The following KISS1R variants were observed in gnomAD, a reference collection of about 807,000 sequenced individuals.
The protein encoded by KISS1R is KISS1 receptor.
KISS1R carries 19 observed loss-of-function variants against 22.0 expected under a neutral mutation model. That is an observed-to-expected ratio of 0.86 (90% CI 0.60 to 1.26). The LOEUF is 1.26. KISS1R is among the 50% of genes most tolerant of loss of function. KISS1R has a pLI of 0.00. For missense variants in KISS1R, 653 were observed against 581.9 expected, an observed-to-expected ratio of 1.12 and a Z score of -1.26; for synonymous variants, 302 against 283.9, an observed-to-expected ratio of 1.06 and a Z score of -0.64.
Position 920,682 on chromosome 19 carries a change from G to T in KISS1R, c.1131G>T (p.Lys377Asn). 1.5e-6 allele frequency: 2 copies of T among 1,322,710 alleles called. No individual in the cohort carries two copies. Among genetic ancestry groups the T allele is most frequent in the Non-Finnish European group, 9.6e-7 (1 of 1,038,138 alleles). 81.9% of individuals were successfully genotyped at this position (1,322,710 alleles called of 1,614,324 possible). A position where few individuals can be genotyped will look rare whatever the true frequency, so the allele number is the denominator to read the frequency against. ...ACCCGGCCCCCGCCAGGGCGCAGAA[G>T]CCAGGGAGCAGTGGGCTGGCCGCGC... ...GSHPAPARAQ[K>N]PGSSGLAARG... The change falls in exon 5 of 5, where the codon AAG (lysine) becomes AAT (asparagine). Residue 377 changes from lysine (K) to asparagine (N), a missense_variant. By Grantham distance (94) the Lys-to-Asn change is moderately conservative. Transcript: ENST00000234371.
rs762888590 is a variant in KISS1R, at chr19:920,419, C to G, written c.868C>G (p.Pro290Ala). ...QLFLVLQALGPAGSWHPRSYA... is the reference protein window; with the variant it reads ...QLFLVLQALGAAGSWHPRSYA... The stretch of plus-strand genomic sequence containing the variant: ...GTTCCTGGTGCTGCAGGCGCTGGGC[C>G]CCGCGGGCTCCTGGCACCCACGCAG... Residue 290 changes from proline (P) to alanine (A), a missense_variant, in exon 5 of 5, where the codon CCC becomes GCC. Physicochemically the swap from Pro to Ala is conservative, Grantham distance 27. Coordinates refer to ENST00000234371, the MANE Select transcript of KISS1R (RefSeq NM_032551.5). The G allele has an allele frequency of 1.2e-6, 2 of 1,607,714 alleles. No individual in the cohort carries two copies. Among genetic ancestry groups the G allele is most frequent in the East Asian group, 2.2e-5 (1 of 44,644 alleles).
chr19:918,428 A>T, intron 1 of KISS1R, 116 bp from the exon 2 acceptor site: 13 of 1,220,128 alleles, frequency 1.1e-5, no homozygotes, highest in Non-Finnish European at 1.5e-5. Context: ...GGCCTCCCTG[A>T]GCCATCCTGC....
In KISS1R at chr19:920,021, T is replaced by C. The variant is rs753980643; in HGVS notation, c.653T>C (p.Leu218Pro). 6.5e-7 allele frequency: 1 copy of C among 1,542,854 alleles called. No homozygotes were observed. Among genetic ancestry groups the C allele is most frequent in the South Asian group, 1.2e-5 (1 of 84,210 alleles). ...NLLALYLLPLLATCACYAAML... is the reference protein window; with the variant it reads ...NLLALYLLPLPATCACYAAML... ...CTGGCGCTGTACCTGCTGCCGCTGC[T>C]CGCCACCTGCGCCTGCTATGCGGCC... The change falls in exon 4 of 5, where the codon CTC (leucine) becomes CCC (proline). Residue 218 changes from leucine to proline, a missense_variant. Coordinates refer to ENST00000234371, the MANE Select transcript of KISS1R (RefSeq NM_032551.5).
Position 919,934 on chromosome 19 carries a change from C to T in KISS1R, c.566C>T (p.Ala189Val), listed in dbSNP as rs1217719689. The change falls in exon 4 of 5, where the codon GCC becomes GTC. Residue 189 changes from alanine to valine, a missense_variant. Physicochemically the swap from Ala to Val is moderately conservative, Grantham distance 64. Transcript: ENST00000234371. ...CACCGCCTGTCACCCGGGCCGCGCGCCTACTGCAGTGAGGCCTTCCCCAGC... is the reference window on the plus strand; with the variant it reads ...CACCGCCTGTCACCCGGGCCGCGCGTCTACTGCAGTGAGGCCTTCCCCAGC... ...ALHRLSPGPR[A>V]YCSEAFPSRA... 1 of 1,565,338 alleles carries T rather than the reference C, an allele frequency of 6.4e-7. No individual in the cohort carries two copies. Among genetic ancestry groups the T allele is most frequent in the Admixed American group, 1.8e-5 (1 of 55,756 alleles).
chr19:917,532 C>A lies in KISS1R; in HGVS notation c.30C>A (p.Asn10Lys). Residue 10 changes from asparagine to lysine, a missense_variant, in exon 1 of 5, where the codon AAC (asparagine) becomes AAA (lysine). Coordinates refer to ENST00000234371, the MANE Select transcript of KISS1R (RefSeq NM_032551.5). ...ACACCGTGGCTACGTCCGGACCCAACGCGTCCTGGGGGGCACCGGCCAACG... is the reference window on the plus strand; with the variant it reads ...ACACCGTGGCTACGTCCGGACCCAAAGCGTCCTGGGGGGCACCGGCCAACG... MHTVATSGP[N>K]ASWGAPANAS... 7 of 1,507,224 alleles carry A rather than the reference C, an allele frequency of 4.6e-6. No homozygotes were observed. Among genetic ancestry groups the A allele is most frequent in the South Asian group, 1.3e-5 (1 of 79,976 alleles). 93.4% of individuals were successfully genotyped at this position (1,507,224 alleles called of 1,614,324 possible).
In KISS1R at chr19:918,664, A is replaced by G; in HGVS notation, c.365A>G (p.Gln122Arg). The change falls in exon 2 of 5, where the codon CAG becomes CGG. Residue 122 changes from glutamine to arginine, a missense_variant. Gln to Arg is a conservative substitution (Grantham distance 43). Coordinates refer to ENST00000234371, the MANE Select transcript of KISS1R (RefSeq NM_032551.5). ...ATGTGCAAGTTCGTCAACTACATCC[A>G]GCAGGTGCGCTCCGGAGCAGGAGGG... ...DFMCKFVNYI[Q>R]QVSVQATCAT... is the part of the protein sequence containing the mutation. The G allele has an allele frequency of 6.5e-7, 1 of 1,548,876 alleles. No individual in the cohort carries two copies. The highest frequency in any genetic ancestry group is 8.7e-7 in the Non-Finnish European group (1 of 1,145,918).
rs545635250 is a variant in KISS1R, at chr19:919,560, C to T, written c.440C>T (p.Pro147Leu). The T allele has an allele frequency of 1.3e-5, 21 of 1,559,050 alleles. No homozygotes were observed. The East Asian group carries it at 2.4e-4, about 18-fold the overall frequency. The stretch of plus-strand genomic sequence containing the variant: ...GACCGCTGGTACGTGACGGTGTTCC[C>T]GTTGCGCGCCCTGCACCGCCGCACG... ...SVDRWYVTVF[P>L]LRALHRRTPR... is the part of the protein sequence containing the mutation. Residue 147 changes from proline to leucine, a missense_variant, in exon 3 of 5, where the codon CCG (proline) becomes CTG (leucine). Pro to Leu is a moderately conservative substitution (Grantham distance 98, BLOSUM62 -3). Coordinates refer to ENST00000234371, the MANE Select transcript of KISS1R (RefSeq NM_032551.5).
In KISS1R at chr19:919,508, T is replaced by G. The variant is rs1048171903; in HGVS notation, c.388T>G (p.Cys130Gly). ...CCCGCAGGTCTCGGTGCAGGCCACGTGTGCCACTCTGACCGCCATGAGTGT... is the reference window on the plus strand; with the variant it reads ...CCCGCAGGTCTCGGTGCAGGCCACGGGTGCCACTCTGACCGCCATGAGTGT... Reference protein sequence around the residue: ...YIQQVSVQATCATLTAMSVDR... With the variant: ...YIQQVSVQATGATLTAMSVDR... The change falls in exon 3 of 5, where the codon TGT (cysteine) becomes GGT (glycine). Residue 130 changes from cysteine (C) to glycine (G), a missense_variant. Coordinates refer to ENST00000234371, the MANE Select transcript of KISS1R (RefSeq NM_032551.5). 6 of 1,555,706 alleles carry G rather than the reference T, an allele frequency of 3.9e-6. No homozygotes were observed. The African/African-American group carries it at 8.1e-5, about 21-fold the overall frequency.
In KISS1R at chr19:920,890, T is replaced by G. The variant is rs2037117021; in HGVS notation, c.*142T>G. On this transcript the variant is annotated 3_prime_UTR_variant, in exon 5 of 5. Coordinates refer to ENST00000234371, the MANE Select transcript of KISS1R (RefSeq NM_032551.5). ...GGTCTCTTGTGACGTTCGGTGCAGTTTCGTTGTGAAGTTTGCTATTGATAT... is the reference window on the plus strand; with the variant it reads ...GGTCTCTTGTGACGTTCGGTGCAGTGTCGTTGTGAAGTTTGCTATTGATAT... 2.0e-6 allele frequency: 2 copies of G among 1,007,352 alleles called. No homozygotes were observed. Among genetic ancestry groups the G allele is most frequent in the South Asian group, 1.0e-4 (2 of 19,266 alleles). 62.4% of individuals were successfully genotyped at this position (1,007,352 alleles called of 1,614,324 possible).
At chr19:918,801 G>C (rs1282668122) in intron 2 of KISS1R, 133 bp downstream of exon 2, 3 of 835,014 alleles carry the variant, frequency 3.6e-6, no homozygotes, top group East Asian at 6.1e-5. Flanking sequence ...GGGATCGTAC[G>C]TGGGGACGGG....
At position 920,369 on chromosome 19, in the gene KISS1R, C is replaced by T. The variant is rs1411197106; in HGVS notation, c.818C>T (p.Ala273Val). The T allele has an allele frequency of 5.7e-6, 9 of 1,578,442 alleles. No individual in the cohort carries two copies. The highest frequency in any genetic ancestry group is 1.4e-5 in the African/African-American group (1 of 73,732). ...GTGGCGGCCGTGGTCCTGCTCTTCG[C>T]CGCCTGCTGGGGCCCCATCCAGCTG... is the stretch of plus-strand genomic sequence containing the variant. ...RLVAAVVLLFAACWGPIQLFL... is the reference protein window; with the variant it reads ...RLVAAVVLLFVACWGPIQLFL... The change falls in exon 5 of 5, where the codon GCC (alanine) becomes GTC (valine). Residue 273 changes from alanine (A) to valine (V), a missense_variant. Transcript: ENST00000234371.
Position 917,554 on chromosome 19 carries a change from A to T in KISS1R, c.52A>T (p.Asn18Tyr). 1 of 1,524,452 alleles carries T rather than the reference A, an allele frequency of 6.6e-7. No homozygotes were observed. The allele number at this position is 1,524,452 out of a possible 1,614,324, so 94.4% of individuals were successfully genotyped here. The stretch of plus-strand genomic sequence containing the variant: ...CAACGCGTCCTGGGGGGCACCGGCC[A>T]ACGCCTCCGGCTGCCCGGGCTGTGG... The part of the protein sequence containing the change: ...GPNASWGAPA[N>Y]ASGCPGCGAN... The change falls in exon 1 of 5, where the codon AAC becomes TAC. Residue 18 changes from asparagine (N) to tyrosine (Y), a missense_variant. Coordinates refer to ENST00000234371, the MANE Select transcript of KISS1R (RefSeq NM_032551.5).
At chr19:919,714 T>G in intron 3 of KISS1R, 89 bp downstream of exon 3, 16 of 1,526,542 alleles carry the variant, frequency 1.0e-5, no homozygotes, top group Non-Finnish European at 1.4e-5. Context: ...CGGTCCAGCA[T>G]CTGGAAAATG....
intron 1 of KISS1R, 28 bp downstream of exon 1, chr19:917,774 C>T (rs752521645): frequency 1.7e-4 from 271 of 1,585,026 alleles, no homozygotes; most frequent in Admixed American, 2.9e-4. Context: ...GCCGCACCTG[C>T]TGCCGTCCCG....
chr19:920,313 A>C lies in KISS1R; in HGVS notation c.762A>C (p.Ala254=). 1 of 1,569,948 alleles carries C rather than the reference A, an allele frequency of 6.4e-7. No homozygotes were observed. Residue 254 remains alanine, a synonymous_variant, in exon 5 of 5, where the codon GCA becomes GCC. Coordinates refer to ENST00000234371, the MANE Select transcript of KISS1R (RefSeq NM_032551.5). ...ALQGQVLAER[A]GAVRAKVSRL... The stretch of plus-strand genomic sequence containing the variant: ...AGGGGCAGGTGCTGGCAGAGCGCGC[A>C]GGCGCCGTGCGGGCCAAGGTCTCGC...
In KISS1R at chr19:917,600, C is replaced by T. The variant is rs1291209113; in HGVS notation, c.98C>T (p.Pro33Leu). 1 of 1,558,266 alleles carries T rather than the reference C, an allele frequency of 6.4e-7. No homozygotes were observed. The highest frequency in any genetic ancestry group is 2.4e-5 in the East Asian group (1 of 41,878). ...TGTGGCGCCAACGCCTCGGACGGCC[C>T]AGTCCCTTCGCCGCGGGCCGTGGAC... The part of the protein sequence containing the change: ...PGCGANASDG[P>L]VPSPRAVDAW... The change falls in exon 1 of 5, where the codon CCA (proline) becomes CTA (leucine). Residue 33 changes from proline to leucine, a missense_variant. Physicochemically the swap from Pro to Leu is moderately conservative, Grantham distance 98. Coordinates refer to ENST00000234371, the MANE Select transcript of KISS1R (RefSeq NM_032551.5).
Position 920,280 on chromosome 19 carries a change from ACC to A in KISS1R, c.739-4_739-3del. On this transcript the variant is annotated splice_polypyrimidine_tract_variant and splice_region_variant and intron_variant, in intron 4 of 4. Coordinates refer to ENST00000234371, the MANE Select transcript of KISS1R (RefSeq NM_032551.5). ...CCTTTCGTCTAACCACCTTCACGGC[ACC>A]CCCCCAGGGGCAGGTGCTGGCAGAG... is the stretch of plus-strand genomic sequence containing the variant. The A allele has an allele frequency of 6.4e-7, 1 of 1,566,022 alleles. No individual in the cohort carries two copies.
rs2037103725 is a variant in KISS1R at position 920,120 on chromosome 19, G to A, written c.738+14G>A. 6.7e-7 allele frequency: 1 copy of A among 1,490,076 alleles called. No individual in the cohort carries two copies. Among genetic ancestry groups the A allele is most frequent in the South Asian group, 1.3e-5 (1 of 76,354 alleles). The allele number at this position is 1,490,076 out of a possible 1,614,324, so 92.3% of individuals were successfully genotyped here. A position where few individuals can be genotyped will look rare whatever the true frequency, so the allele number is the denominator to read the frequency against. Reference sequence around the variant, plus strand: ...AGCGCCCTGCAGGTGCGCGGCGTGGGTGGGAGGACAGCAAGGCTGGGCGGG... The same window carrying A: ...AGCGCCCTGCAGGTGCGCGGCGTGGATGGGAGGACAGCAAGGCTGGGCGGG... On this transcript the variant is annotated intron_variant, in intron 4 of 4. Coordinates refer to ENST00000234371, the MANE Select transcript of KISS1R (RefSeq NM_032551.5).
In KISS1R at chr19:920,882, G is replaced by A; in HGVS notation, c.*134G>A. The stretch of plus-strand genomic sequence containing the variant: ...AATATTTTGGTCTCTTGTGACGTTC[G>A]GTGCAGTTTCGTTGTGAAGTTTGCT... On this transcript the variant is annotated 3_prime_UTR_variant, in exon 5 of 5. Transcript: ENST00000234371. 3.8e-6 allele frequency: 4 copies of A among 1,061,828 alleles called. No homozygotes were observed. Among genetic ancestry groups the A allele is most frequent in the Non-Finnish European group, 4.8e-6 (4 of 836,034 alleles). 65.8% of individuals were successfully genotyped at this position (1,061,828 alleles called of 1,614,324 possible). A position where few individuals can be genotyped will look rare whatever the true frequency, so the allele number is the denominator to read the frequency against.
Sources: allele counts gnomAD v4.1 joint callset, GRCh38; gene constraint gnomAD v4.1.1; transcripts MANE v1.5; gene names NCBI Gene and HGNC (gene_info 2026-07-23, HGNC 2026-07-21).